The following SLC27A1 variants were observed in gnomAD, a reference collection of about 807,000 sequenced individuals.
SLC27A1 encodes solute carrier family 27 member 1.
A neutral mutation model predicts 62.2 loss-of-function variants in SLC27A1; 61 were observed. The observed-to-expected ratio is 0.98, with a 90% CI of 0.80 to 1.21. The LOEUF (loss-of-function observed/expected upper bound fraction) is 1.21, where lower values mean the gene tolerates loss of function less well. Among genes scored for constraint, SLC27A1 ranks in the 50% most tolerant of loss-of-function variants. The pLI is 0.00. For synonymous variants in SLC27A1, 435 were observed against 408.6 expected (o/e 1.06, Z -0.78); for missense variants, 903 against 932.1 (o/e 0.97, Z 0.41).
chr19:17,470,846 G>C (rs1385276532), intron 1 of SLC27A1, 139 bp downstream of exon 1: 1 of 234,636 alleles, frequency 4.3e-6, no homozygotes, highest in Non-Finnish European at 7.4e-6. Context: ...GCGGGGCTGG[G>C]CCGAGGGCTG....
intron 1 of SLC27A1, among the ~76,000 whole-genome samples, chr19:17,481,963 C>T (rs1253707898): frequency 1.3e-5 from 2 of 152,164 alleles, no homozygotes; most frequent in Non-Finnish European, 2.9e-5. Flanking sequence ...CCCCTTAGAT[C>T]GGGCTGGGGC....
rs963398186 is a variant in SLC27A1 at position 17,493,088 on chromosome 19, A to C, written c.996+3971A>C. 1.3e-4 allele frequency among the ~76,000 whole-genome samples: 19 copies of C among 148,858 alleles called. 1 individual carries two copies. Among genetic ancestry groups the C allele is most frequent in the Admixed American group, 1.2e-3 (17 of 14,730 alleles). ...CAGTGAGCTGAGACTGTGCCACTGC[A>C]CTCCAGCCTGGGCGACAGAGTGAGA... On this transcript the variant is annotated intron_variant, in intron 6 of 11. Coordinates refer to ENST00000252595, the MANE Select transcript of SLC27A1 (RefSeq NM_198580.3).
In SLC27A1 at chr19:17,480,029, C is replaced by CA. The variant is rs538302546; in HGVS notation, c.168-6527dup. On this transcript the variant is annotated intron_variant, in intron 1 of 11. Coordinates refer to ENST00000252595, the MANE Select transcript of SLC27A1 (RefSeq NM_198580.3). ...ATGCCAAATTTTTTATCTTTCGATA[C>CA]AAAAAAATTTTTTTTTGAGACGGAG... Among the ~76,000 whole-genome samples, 33 of 152,132 alleles carry CA rather than the reference C, an allele frequency of 2.2e-4. No homozygotes were observed. In the South Asian group the frequency reaches 6.8e-3, roughly 32 times the overall value.
Position 17,470,597 on chromosome 19 carries a change from G to C in SLC27A1, c.57G>C (p.Leu19=), listed in dbSNP as rs768239118. 4 of 1,569,946 alleles carry C rather than the reference G, an allele frequency of 2.5e-6. No homozygotes were observed. Among genetic ancestry groups the C allele is most frequent in the Non-Finnish European group, 3.4e-6 (4 of 1,166,166 alleles). ...TGGTCTCGCTGGCGCTGTTGTGGCTGCTGGGGCTGCCGTGGACCTGGAGCG... is the reference window on the plus strand; with the variant it reads ...TGGTCTCGCTGGCGCTGTTGTGGCTCCTGGGGCTGCCGTGGACCTGGAGCG... ...ASVVSLALLW[L]LGLPWTWSAA... Residue 19 remains leucine, a synonymous_variant, in exon 1 of 12, where the codon CTG becomes CTC. Coordinates refer to ENST00000252595, the MANE Select transcript of SLC27A1 (RefSeq NM_198580.3).
chr19:17,499,887 GT>G, intron 7 of SLC27A1: 1 of 198,744 alleles, frequency 5.0e-6, no homozygotes, highest in South Asian at 1.0e-4. Context: ...ACAGGGTGTA[GT>G]GGCTCAAACA....
chr19:17,470,078 G>A (rs943110030), upstream of SLC27A1, among the ~76,000 whole-genome samples: 7 of 152,136 alleles, frequency 4.6e-5, no homozygotes, highest in Non-Finnish European at 1.0e-4. Flanking sequence ...AAGGGGACAG[G>A]ACGTGAAGGG....
In SLC27A1 at chr19:17,487,463, G is replaced by C. The variant is rs566825387; in HGVS notation, c.728G>C (p.Arg243Pro). The change falls in exon 4 of 12, where the codon CGT becomes CCT. Residue 243 changes from arginine to proline, a missense_variant. Arg to Pro is a moderately radical substitution (Grantham distance 103, BLOSUM62 -2). Transcript: ENST00000252595. ...CTAACACCTGTATCTCCTGCAGATC[G>C]TCTTTTCTACATCTACACGTCGGGG... is the stretch of plus-strand genomic sequence containing the variant. ...AQIPSKGMDD[R>P]LFYIYTSGTT... is the part of the protein sequence containing the mutation. The C allele has an allele frequency of 1.9e-6, 3 of 1,597,726 alleles. No homozygotes were observed. Among genetic ancestry groups the C allele is most frequent in the South Asian group, 1.1e-5 (1 of 90,556 alleles).
chr19:17,487,142 G>A, intron 2 of SLC27A1, 32 bp from the exon 3 acceptor site: 2 of 1,613,490 alleles, frequency 1.2e-6, no homozygotes, highest in Non-Finnish European at 1.7e-6. Context: ...CCTGTCCGGC[G>A]GTGACCATGA....
intron 1 of SLC27A1, among the ~76,000 whole-genome samples, chr19:17,480,542 T>TTTTC (rs1555743172): frequency 1.0e-3 from 9 of 8,938 alleles, no homozygotes; most frequent in African/African-American, 2.8e-3. Flanking sequence ...AATTTTTTTC[T>TTTTC]TTTTTTTTTT....
chr19:17,500,854 C>T lies in SLC27A1; in HGVS notation c.1614C>T (p.Ala538=), dbSNP rs150502627. 5.6e-4 allele frequency: 903 copies of T among 1,609,968 alleles called. 4 individuals carry two copies. In the African/African-American group the frequency reaches 9.1e-3, roughly 16 times the overall value. Residue 538 remains alanine, a synonymous_variant, in exon 10 of 12, where the codon GCC becomes GCT. Coordinates refer to ENST00000252595, the MANE Select transcript of SLC27A1 (RefSeq NM_198580.3). ...GCCTGCTGGGCCAGACAGACGTGGC[C>T]GTCTATGGGGTGGCTGTTCCAGGCA... ...LSRLLGQTDV[A]VYGVAVPGVE...
chr19:17,485,822 C>G (rs1354929232), intron 1 of SLC27A1, among the ~76,000 whole-genome samples: 3 of 151,338 alleles, frequency 2.0e-5, no homozygotes, highest in Non-Finnish European at 4.4e-5. Context: ...GAGACTCCGT[C>G]TCAAAAAAAA....
At position 17,487,297 on chromosome 19, in the gene SLC27A1, C is replaced by CA; in HGVS notation, c.686_687insA (p.Ala230CysfsTer54). 1 of 1,613,278 alleles carries CA rather than the reference C, an allele frequency of 6.2e-7. No individual in the cohort carries two copies. Among genetic ancestry groups the CA allele is most frequent in the Non-Finnish European group, 8.5e-7 (1 of 1,179,740 alleles). The stretch of plus-strand genomic sequence containing the variant: ...GACCCGCTGCTGAAGGAGGCCTCTA[C>CA]TGCCCCCTTGGCACAGATCCCCAGC... On this transcript the variant is annotated frameshift_variant, in exon 3 of 12. Coordinates refer to ENST00000252595, the MANE Select transcript of SLC27A1 (RefSeq NM_198580.3). LOFTEE classifies it high-confidence loss of function.
At position 17,504,520 on chromosome 19, in the gene SLC27A1, C is replaced by G; in HGVS notation, c.1849C>G (p.Arg617Gly). The G allele has an allele frequency of 6.2e-7, 1 of 1,614,164 alleles. No individual in the cohort carries two copies. Among genetic ancestry groups the G allele is most frequent in the Non-Finnish European group, 8.5e-7 (1 of 1,180,042 alleles). ...EGFDPRQTSD[R>G]LFFLDLKQGH... ...CTTTGACCCACGCCAGACCTCAGACCGGCTCTTCTTCCTGGACCTGAAGCA... is the reference window on the plus strand; with the variant it reads ...CTTTGACCCACGCCAGACCTCAGACGGGCTCTTCTTCCTGGACCTGAAGCA... Residue 617 changes from arginine (R) to glycine (G), a missense_variant, in exon 12 of 12, where the codon CGG (arginine) becomes GGG (glycine). By Grantham distance (125) the Arg-to-Gly change is moderately radical. Transcript: ENST00000252595.
At chr19:17,473,590 G>A (rs984748215) in intron 1 of SLC27A1, among the ~76,000 whole-genome samples, 8 of 152,126 alleles carry the variant, frequency 5.3e-5, no homozygotes, top group African/African-American at 1.4e-4. Context: ...GGCTGGGCGC[G>A]GTGGCTCACA....
At chr19:17,481,254 T>C (rs2075175072) in intron 1 of SLC27A1, among the ~76,000 whole-genome samples, 1 of 151,846 alleles carries the variant, frequency 6.6e-6, no homozygotes, top group Non-Finnish European at 1.5e-5. Flanking sequence ...TGCCTTAATT[T>C]GCTCAGGGTC....
In SLC27A1 at chr19:17,489,211, G is replaced by C; in HGVS notation, c.996+94G>C. The C allele has an allele frequency of 4.9e-6, 5 of 1,013,918 alleles. No homozygotes were observed. In the South Asian group the frequency reaches 7.6e-5, roughly 15 times the overall value. 62.8% of individuals were successfully genotyped at this position (1,013,918 alleles called of 1,614,324 possible). On this transcript the variant is annotated intron_variant, in intron 6 of 11. Coordinates refer to ENST00000252595, the MANE Select transcript of SLC27A1 (RefSeq NM_198580.3). ...CCCCACCTCCTCCCGGTGAGGCCCC[G>C]TACCTCCCAGCAAAGCCCCACCTCC...
At chr19:17,492,889 G>T (rs1398612619) in intron 6 of SLC27A1, among the ~76,000 whole-genome samples, 2 of 151,866 alleles carry the variant, frequency 1.3e-5, no homozygotes, top group Non-Finnish European at 2.9e-5. Flanking sequence ...AGTGAGAGCC[G>T]AGATTGTGCC....
chr19:17,474,747 T>C (rs1479557955), intron 1 of SLC27A1, among the ~76,000 whole-genome samples: 1 of 151,554 alleles, frequency 6.6e-6, no homozygotes, highest in African/African-American at 2.4e-5. Flanking sequence ...TTTCCTGCCT[T>C]AGCCTCCTGA....
intron 10 of SLC27A1, 95 bp downstream of exon 10, chr19:17,500,971 C>T (rs1464599285): frequency 2.3e-6 from 3 of 1,329,672 alleles, no homozygotes; most frequent in African/African-American, 3.0e-5. Context: ...GGGCAGTGCA[C>T]AACCTGGACA....
Sources: allele counts gnomAD v4.1 joint callset (sites outside exome capture counted in the v4.1 genomes callset), GRCh38; gene constraint gnomAD v4.1.1; transcripts MANE v1.5; gene names NCBI Gene and HGNC (gene_info 2026-07-23, HGNC 2026-07-21).